NECAP1: variants seen among roughly 807,000 people sequenced by gnomAD.
NECAP1 encodes adaptin ear-binding coat-associated protein 1.
In NECAP1, 13 loss-of-function variants were observed where a neutral mutation model predicts 33.4. The ratio of observed to expected loss-of-function variants is 0.39; its 90% CI spans 0.25 to 0.62. The LOEUF is 0.62. NECAP1 is among the 20% of genes least tolerant of loss of function. The probability of loss-of-function intolerance (pLI) is 0.52; values close to 1 mark genes in which losing one functional copy is unlikely to be tolerated. For synonymous variants in NECAP1, 109 were observed against 125.2 expected, an observed-to-expected ratio of 0.87 and a Z score of 0.86; for missense variants, 272 against 347.4, an observed-to-expected ratio of 0.78 and a Z score of 1.73.
chr12:8,091,836 G>C lies in NECAP1; in HGVS notation c.369G>C (p.Leu123Phe). Residue 123 changes from leucine to phenylalanine, a missense_variant, in exon 4 of 8, where the codon TTG (leucine) becomes TTC (phenylalanine). Transcript: ENST00000339754. The stretch of plus-strand genomic sequence containing the variant: ...ATGCCTTCGACTTTAATGTCTCCTT[G>C]CAGGATCACTTCAAGTGAGTGAAGC... Reference protein sequence around the residue: ...RGDAFDFNVSLQDHFKWVKQE... With the variant: ...RGDAFDFNVSFQDHFKWVKQE... 6.2e-7 allele frequency: 1 copy of C among 1,613,400 alleles called. No homozygotes were observed. Among genetic ancestry groups the C allele is most frequent in the Non-Finnish European group, 8.5e-7 (1 of 1,179,758 alleles).
intron 6 of NECAP1, chr12:8,093,285 C>A (rs1947566743): frequency 5.9e-6 from 3 of 507,926 alleles, no homozygotes; most frequent in East Asian, 7.2e-5. Context: ...CAATTTCCTT[C>A]ATTTTTTTCT....
intron 6 of NECAP1, among the ~76,000 whole-genome samples, chr12:8,094,093 G>T (rs1202504677): frequency 2.6e-5 from 4 of 152,188 alleles, no homozygotes; most frequent in Admixed American, 6.5e-5. Context: ...GGACAGTGCA[G>T]ATAATTTGTT....
chr12:8,082,428 A>C (rs758837471), intron 1 of NECAP1, 45 bp downstream of exon 1: 6 of 1,544,736 alleles, frequency 3.9e-6, no homozygotes, highest in Non-Finnish European at 5.3e-6. Flanking sequence ...TCTGTCGCAG[A>C]TGACAGCTTC....
chr12:8,092,164 G>A (rs1947551786), intron 4 of NECAP1: 1 of 374,720 alleles, frequency 2.7e-6, no homozygotes, highest in African/African-American at 2.1e-5. Flanking sequence ...GGGGAGTCGT[G>A]TGCCACTCTT....
chr12:8,084,449 T>C (rs1947469548), intron 1 of NECAP1, among the ~76,000 whole-genome samples: 1 of 152,176 alleles, frequency 6.6e-6, no homozygotes, highest in Admixed American at 6.5e-5. Context: ...TTTTCTTTTT[T>C]ACTTTAAGTT....
chr12:8,089,582 A>G (rs1399824204), intron 1 of NECAP1: 2 of 193,804 alleles, frequency 1.0e-5, no homozygotes, highest in Admixed American at 1.1e-4. Flanking sequence ...ACTGGTCTCA[A>G]ACTCCTGACC....
intron 4 of NECAP1, 28 bp downstream of exon 4, chr12:8,091,878 G>A: frequency 2.5e-6 from 4 of 1,584,046 alleles, no homozygotes; most frequent in South Asian, 2.2e-5. Context: ...TTAGTTACGA[G>A]GCTGAATGCT....
Position 8,096,691 on chromosome 12 carries a change from C to G in NECAP1, c.*601C>G, listed in dbSNP as rs149829142. On this transcript the variant is annotated 3_prime_UTR_variant, in exon 8 of 8. Transcript: ENST00000339754. ...AGTGAACATCCAGTGCTGGGTGCAG[C>G]TCCATCACCCTCTTGTGTGTTTACA... The G allele has an allele frequency of 6.5e-6, 1 of 152,834 alleles. No individual in the cohort carries two copies. The highest frequency in any genetic ancestry group is 2.4e-5 in the African/African-American group (1 of 41,586). The allele number at this position is 152,834 out of a possible 1,614,324, so 9.5% of individuals were successfully genotyped here. A position where few individuals can be genotyped will look rare whatever the true frequency, so the allele number is the denominator to read the frequency against.
At position 8,096,166 on chromosome 12, in the gene NECAP1, T is replaced by C; in HGVS notation, c.*76T>C. The C allele has an allele frequency of 6.9e-7, 1 of 1,453,696 alleles. No homozygotes were observed. Among genetic ancestry groups the C allele is most frequent in the Non-Finnish European group, 9.5e-7 (1 of 1,049,668 alleles). 90.0% of individuals were successfully genotyped at this position (1,453,696 alleles called of 1,614,324 possible). ...GAGGGCACCAATCTGTGAGGGAAGT[T>C]AGGAACCCATTTCCTCCCCAGAACC... On this transcript the variant is annotated 3_prime_UTR_variant, in exon 8 of 8. Coordinates refer to ENST00000339754, the MANE Select transcript of NECAP1 (RefSeq NM_015509.4).
intron 6 of NECAP1, chr12:8,095,260 G>C (rs1365197858): frequency 3.4e-5 from 1 of 29,586 alleles, no homozygotes; most frequent in Non-Finnish European, 6.7e-5. Flanking sequence ...TTTTTTTTTT[G>C]AGACGGAGTC....
chr12:8,088,549 G>A (rs114551498), intron 1 of NECAP1, among the ~76,000 whole-genome samples: 3 of 152,140 alleles, frequency 2.0e-5, no homozygotes, highest in Non-Finnish European at 4.4e-5. Context: ...GATTACTGCA[G>A]TAGTCTCTTA....
intron 1 of NECAP1, among the ~76,000 whole-genome samples, chr12:8,083,961 C>T (rs1244871127): frequency 2.0e-5 from 3 of 151,868 alleles, no homozygotes; most frequent in East Asian, 1.9e-4. Flanking sequence ...AGGCTGGTCT[C>T]GAACTCCTGG....
intron 1 of NECAP1, among the ~76,000 whole-genome samples, chr12:8,087,687 G>A (rs1380792288): frequency 6.6e-6 from 1 of 151,860 alleles, no homozygotes; most frequent in Non-Finnish European, 1.5e-5. Flanking sequence ...GTGCCTGGCT[G>A]TTCCTAATAT....
chr12:8,096,215 A>G lies in NECAP1; in HGVS notation c.*125A>G, dbSNP rs1947592637. The G allele has an allele frequency of 3.2e-6, 3 of 942,326 alleles. No individual in the cohort carries two copies. The highest frequency in any genetic ancestry group is 4.8e-6 in the Non-Finnish European group (3 of 626,006). The allele number at this position is 942,326 out of a possible 1,614,324, so 58.4% of individuals were successfully genotyped here. ...CCAGAATGACTGGACAATCTTTTTC[A>G]TAGCTTCTCCATCACATTCAAGCTG... On this transcript the variant is annotated 3_prime_UTR_variant, in exon 8 of 8. Transcript: ENST00000339754.
chr12:8,091,879 G>T (rs1212980141), intron 4 of NECAP1, 29 bp downstream of exon 4: 1 of 1,581,234 alleles, frequency 6.3e-7, no homozygotes, highest in African/African-American at 1.3e-5. Context: ...TAGTTACGAG[G>T]CTGAATGCTT....
In NECAP1 at chr12:8,082,288, G is replaced by C. The variant is rs367910098; in HGVS notation, c.-1G>C. The C allele has an allele frequency of 1.7e-5, 27 of 1,589,436 alleles. No individual in the cohort carries two copies. The highest frequency in any genetic ancestry group is 2.1e-5 in the Non-Finnish European group (24 of 1,159,516). The stretch of plus-strand genomic sequence containing the variant: ...CCGGCAGCGCCGACAGCGGACCCAA[G>C]ATGGCGACCGAGTTGGAGTACGAGT... On this transcript the variant is annotated 5_prime_UTR_variant, in exon 1 of 8. Transcript: ENST00000339754.
At chr12:8,085,307 C>T (rs77100758) in intron 1 of NECAP1, among the ~76,000 whole-genome samples, 4,945 of 136,684 alleles carry the variant, frequency 0.036, 129 homozygotes, top group African/African-American at 0.066. Context: ...CGTGAGCCAC[C>T]GCACCCGGCC....
Position 8,091,804 on chromosome 12 carries a change from C to G in NECAP1, c.337C>G (p.Arg113Gly), listed in dbSNP as rs201477687. The G allele has an allele frequency of 1.2e-6, 2 of 1,614,000 alleles. No homozygotes were observed. Among genetic ancestry groups the G allele is most frequent in the Admixed American group, 1.7e-5 (1 of 60,004 alleles). ...TTTCATTGGCATTGGCTTCACAGAT[C>G]GGGGAGATGCCTTCGACTTTAATGT... The part of the protein sequence containing the change: ...SAFIGIGFTD[R>G]GDAFDFNVSL... Residue 113 changes from arginine (R) to glycine (G), a missense_variant, in exon 4 of 8, where the codon CGG (arginine) becomes GGG (glycine). Physicochemically the swap from Arg to Gly is moderately radical, Grantham distance 125 (BLOSUM62 -2). Coordinates refer to ENST00000339754, the MANE Select transcript of NECAP1 (RefSeq NM_015509.4).
intron 3 of NECAP1, chr12:8,090,756 A>G: frequency 6.4e-6 from 1 of 156,076 alleles, no homozygotes; most frequent in South Asian, 1.9e-4. Flanking sequence ...TGCCGAGATC[A>G]CGCCATTGCA....
Sources: gnomAD v4.1 joint callset for allele counts (sites outside exome capture counted in the v4.1 genomes callset) on GRCh38, gnomAD v4.1.1 for gene constraint, MANE v1.5 for transcripts, NCBI Gene and HGNC (gene_info 2026-07-23, HGNC 2026-07-21) for gene names.